HCN4: variants seen among roughly 807,000 people sequenced by gnomAD.
HCN4 encodes hyperpolarization activated cyclic nucleotide gated potassium channel 4.
HCN4 carries 29 observed loss-of-function variants against 76.9 expected under a neutral mutation model. The ratio of observed to expected loss-of-function variants is 0.38; its 90% CI spans 0.28 to 0.51. The LOEUF (loss-of-function observed/expected upper bound fraction) is 0.51, where lower values mean the gene tolerates loss of function less well. Ranked by LOEUF, HCN4 falls within the 20% of genes least tolerant of loss-of-function variation. HCN4 has a pLI of 0.90. For synonymous variants in HCN4, 772 were observed against 762.5 expected (o/e 1.01, Z -0.21); for missense variants, 1,416 against 1,715.2 (o/e 0.83, Z 3.08).
chr15:73,342,400 G>A (rs535159824), intron 2 of HCN4: 3 of 152,316 alleles, frequency 2.0e-5, no homozygotes, highest in East Asian at 1.9e-4. Context: ...TACAGCCAGC[G>A]GCCGCACCTT....
chr15:73,360,287 A>G (rs1188024840), intron 1 of HCN4, among the ~76,000 whole-genome samples: 1 of 152,184 alleles, frequency 6.6e-6, no homozygotes, highest in African/African-American at 2.4e-5. Flanking sequence ...CTTTGCAGAC[A>G]AGACGTTACA....
At chr15:73,349,647 C>A (rs959183520) in intron 1 of HCN4, among the ~76,000 whole-genome samples, 1 of 152,192 alleles carries the variant, frequency 6.6e-6, no homozygotes, top group South Asian at 2.1e-4. Flanking sequence ...CCAGACCCCA[C>A]TGCCTCCCCG....
chr15:73,359,826 C>T (rs578175993), intron 1 of HCN4, among the ~76,000 whole-genome samples: 5 of 152,220 alleles, frequency 3.3e-5, no homozygotes, highest in Non-Finnish European at 7.3e-5. Context: ...GAATAGATCA[C>T]GTGACCATTT....
At chr15:73,346,558 G>A (rs2043030790) in intron 1 of HCN4, among the ~76,000 whole-genome samples, 1 of 152,136 alleles carries the variant, frequency 6.6e-6, no homozygotes, top group Non-Finnish European at 1.5e-5. Context: ...AGTAGCAGGA[G>A]GTCCCTCCAG....
At chr15:73,352,222 T>C (rs1227140405) in intron 1 of HCN4, among the ~76,000 whole-genome samples, 2 of 151,770 alleles carry the variant, frequency 1.3e-5, no homozygotes, top group Admixed American at 6.6e-5. Flanking sequence ...GGGGGATGGG[T>C]GAACAGATGA....
chr15:73,354,090 G>C (rs1274087690), intron 1 of HCN4, among the ~76,000 whole-genome samples: 1 of 152,212 alleles, frequency 6.6e-6, no homozygotes, highest in South Asian at 2.1e-4. Context: ...GTCCGATTTA[G>C]AGCCAAGGGC....
chr15:73,361,962 G>C (rs1467031977), intron 1 of HCN4, among the ~76,000 whole-genome samples: 1 of 152,238 alleles, frequency 6.6e-6, no homozygotes, highest in Non-Finnish European at 1.5e-5. Flanking sequence ...CAATGCAGCA[G>C]TCACAGTACT....
chr15:73,344,685 T>C (rs994141097), intron 1 of HCN4, among the ~76,000 whole-genome samples: 2 of 152,188 alleles, frequency 1.3e-5, no homozygotes, highest in African/African-American at 4.8e-5. Context: ...AAGTCGTTTG[T>C]AGAGGGAGCC....
At chr15:73,366,427 T>G (rs529047765) in intron 1 of HCN4, among the ~76,000 whole-genome samples, 3 of 152,166 alleles carry the variant, frequency 2.0e-5, no homozygotes, top group African/African-American at 4.8e-5. Context: ...AAAGAGAGAA[T>G]GAGAGAATTA....
At chr15:73,357,092 C>A (rs905127840) in intron 1 of HCN4, among the ~76,000 whole-genome samples, 3 of 152,212 alleles carry the variant, frequency 2.0e-5, no homozygotes, top group Non-Finnish European at 4.4e-5. Flanking sequence ...GGAGCCCAAA[C>A]ATCCATGATC....
At chr15:73,353,417 C>G (rs1441901489) in intron 1 of HCN4, among the ~76,000 whole-genome samples, 1 of 152,118 alleles carries the variant, frequency 6.6e-6, no homozygotes, top group Non-Finnish European at 1.5e-5. Flanking sequence ...TTTTGGAGAT[C>G]AATGATGAAG....
intron 1 of HCN4, among the ~76,000 whole-genome samples, chr15:73,349,985 ACT>A (rs1341473923): frequency 6.6e-6 from 1 of 151,928 alleles, no homozygotes. Flanking sequence ...TGCCACCCTG[ACT>A]CTAACAATCC....
Position 73,329,218 on chromosome 15 carries a change from A to C in HCN4, c.1590+355T>G, listed in dbSNP as rs77072461. ...CCAGAGGGGCAGGAGCAACACCGCG[A>C]GAGTGCGGTCCTGGAGAACGAGTGA... On this transcript the variant is annotated intron_variant, in intron 4 of 7. Coordinates refer to ENST00000261917, the MANE Select transcript of HCN4 (RefSeq NM_005477.3). Among the ~76,000 whole-genome samples the C allele has an allele frequency of 3.8e-3, 585 of 152,284 alleles. 3 individuals carry two copies. Among genetic ancestry groups the C allele is most frequent in the African/African-American group, 0.013 (551 of 41,562 alleles).
chr15:73,364,299 TCAGA>T (rs1041322112), intron 1 of HCN4, among the ~76,000 whole-genome samples: 1 of 151,844 alleles, frequency 6.6e-6, no homozygotes, highest in Non-Finnish European at 1.5e-5. Flanking sequence ...AGACACCCAC[TCAGA>T]CAGACACCTA....
At chr15:73,334,640 G>A (rs986240471) in intron 2 of HCN4, among the ~76,000 whole-genome samples, 3 of 151,766 alleles carry the variant, frequency 2.0e-5, no homozygotes, top group Non-Finnish European at 4.4e-5. Context: ...CACCATTCAC[G>A]GTCTCAGAGC....
chr15:73,364,175 G>A (rs2151227258), intron 1 of HCN4, among the ~76,000 whole-genome samples: 1 of 152,212 alleles, frequency 6.6e-6, no homozygotes, highest in East Asian at 1.9e-4. Context: ...CCAAGCTTCT[G>A]CCTGCCTCCA....
chr15:73,355,447 C>T (rs1433186715), intron 1 of HCN4, among the ~76,000 whole-genome samples: 2 of 152,052 alleles, frequency 1.3e-5, no homozygotes, highest in African/African-American at 2.4e-5. Context: ...AGCTCACTCA[C>T]GGAAGAACGC....
intron 1 of HCN4, among the ~76,000 whole-genome samples, chr15:73,351,541 T>C (rs1212491997): frequency 6.6e-6 from 1 of 152,054 alleles, no homozygotes; most frequent in African/African-American, 2.4e-5. Flanking sequence ...AACTCTTCTA[T>C]CTCCCTTGCC....
chr15:73,327,168 G>A (rs2042905342), intron 4 of HCN4, among the ~76,000 whole-genome samples: 1 of 148,844 alleles, frequency 6.7e-6, no homozygotes, highest in African/African-American at 2.5e-5. Context: ...GTGCAGTGGT[G>A]CAATCTTAGC....
Sources: allele counts gnomAD v4.1 joint callset (sites outside exome capture counted in the v4.1 genomes callset), GRCh38; gene constraint gnomAD v4.1.1; transcripts MANE v1.5; gene names NCBI Gene and HGNC (gene_info 2026-07-23, HGNC 2026-07-21).